Variants in RXRA observed in about 807,000 individuals in gnomAD.
The protein encoded by RXRA is retinoid X receptor alpha.
A neutral mutation model predicts 44.5 loss-of-function variants in RXRA; 5 were observed. The observed-to-expected ratio is 0.11, with a 90% confidence interval of 0.06 to 0.24. The LOEUF (loss-of-function observed/expected upper bound fraction) is 0.24, where lower values mean the gene tolerates loss of function less well. Ranked by LOEUF, RXRA falls within the 10% of genes least tolerant of loss-of-function variation. RXRA has a pLI of 1.00. For synonymous variants in RXRA, 291 were observed against 271.4 expected (o/e 1.07, Z -0.71); for missense variants, 412 against 646.5 (o/e 0.64, Z 3.93).
intron 1 of RXRA, among the ~76,000 whole-genome samples, chr9:134,386,223 C>T (rs1057372584): frequency 3.9e-5 from 6 of 152,258 alleles, no homozygotes; most frequent in Non-Finnish European, 4.4e-5. Context: ...TCAGCCGCCG[C>T]GCTGCATCAC....
intron 1 of RXRA, among the ~76,000 whole-genome samples, chr9:134,390,750 C>G (rs968857816): frequency 1.3e-5 from 2 of 151,886 alleles, no homozygotes; most frequent in African/African-American, 2.4e-5. Flanking sequence ...GCTGACGTCC[C>G]GTTCTTGGTC....
chr9:134,383,773 A>T (rs1830680198), intron 1 of RXRA, among the ~76,000 whole-genome samples: 1 of 152,088 alleles, frequency 6.6e-6, no homozygotes, highest in African/African-American at 2.4e-5. Flanking sequence ...GTGGGCTGTG[A>T]TCCTCACTCC....
In RXRA at chr9:134,392,451, C is replaced by T. The variant is rs557832486; in HGVS notation, c.29-9181C>T. Among the ~76,000 whole-genome samples, 14 of 152,328 alleles carry T rather than the reference C, an allele frequency of 9.2e-5. No homozygotes were observed. In the East Asian group the frequency reaches 2.5e-3, roughly 27 times the overall value. ...TCTAGGTGGGTGGCCCTGAGCCCAC[C>T]TCCTCCCTGTACCCCCATGGCAGGA... On this transcript the variant is annotated intron_variant, in intron 1 of 9. Coordinates refer to ENST00000481739, the MANE Select transcript of RXRA (RefSeq NM_002957.6).
At chr9:134,424,263 T>C (rs549697792) in intron 6 of RXRA, 1 of 985,374 alleles carries the variant, frequency 1.0e-6, no homozygotes, top group Non-Finnish European at 1.2e-6. Flanking sequence ...CCTGGTGCCA[T>C]GAGTCCCCAG....
rs1284762431 is a variant in RXRA at position 134,417,681 on chromosome 9, C to T, written c.780+354C>T. Among the ~76,000 whole-genome samples the T allele has an allele frequency of 2.0e-5, 3 of 152,124 alleles. No homozygotes were observed. The highest frequency in any genetic ancestry group is 7.2e-5 in the African/African-American group (3 of 41,424). Reference sequence around the variant, plus strand: ...GCCTGTCTCGGTGCAGAGGCTGTCCCTGCTCCCCGGTGCCACTTGGAAAAG... The same window carrying T: ...GCCTGTCTCGGTGCAGAGGCTGTCCTTGCTCCCCGGTGCCACTTGGAAAAG... On this transcript the variant is annotated intron_variant, in intron 5 of 9. Transcript: ENST00000481739. The surrounding 1 kb of genome is among the most constrained non-coding windows in gnomAD (Gnocchi z 6.1).
Position 134,334,038 on chromosome 9 carries a change from C to T in RXRA, c.28+7379C>T, listed in dbSNP as rs945018836. ...GTGCCCAGAGCCTGCATTCAGCTCC[C>T]GCTGGCAAGCCTGCTGGGTCTGTGC... On this transcript the variant is annotated intron_variant, in intron 1 of 9. Transcript: ENST00000481739. Among the ~76,000 whole-genome samples, 4 of 152,248 alleles carry T rather than the reference C, an allele frequency of 2.6e-5. No homozygotes were observed. In the South Asian group the frequency reaches 8.3e-4, roughly 31 times the overall value.
At chr9:134,408,109 TG>T in intron 2 of RXRA, 39 bp from the exon 3 acceptor site, 1 of 1,484,918 alleles carries the variant, frequency 6.7e-7, no homozygotes, top group Non-Finnish European at 9.0e-7. Flanking sequence ...GGGACAAACC[TG>T]GTGTACACCC....
chr9:134,401,732 C>T lies in RXRA; in HGVS notation c.129C>T (p.Ser43=), dbSNP rs1163508756. The change falls in exon 2 of 10, where the codon TCC becomes TCT. Residue 43 remains serine, a synonymous_variant. Transcript: ENST00000481739. Reference sequence around the variant, plus strand: ...CGTCCCTGGGGCCTGGCATCGGCTCCCCGGGACAGCTGCATTCTCCCATCA... The same window carrying T: ...CGTCCCTGGGGCCTGGCATCGGCTCTCCGGGACAGCTGCATTCTCCCATCA... ...LHPSLGPGIG[S]PGQLHSPIST... 1.2e-6 allele frequency: 2 copies of T among 1,613,196 alleles called. No individual in the cohort carries two copies. Among genetic ancestry groups the T allele is most frequent in the Non-Finnish European group, 1.7e-6 (2 of 1,179,988 alleles).
intron 1 of RXRA, chr9:134,380,242 A>T: frequency 2.1e-6 from 2 of 960,890 alleles, no homozygotes; most frequent in Non-Finnish European, 2.5e-6. Flanking sequence ...CGATCCCAGG[A>T]TGGGAGTGGG....
At chr9:134,370,373 G>A (rs1007690606) in intron 1 of RXRA, among the ~76,000 whole-genome samples, 1 of 152,228 alleles carries the variant, frequency 6.6e-6, no homozygotes, top group African/African-American at 2.4e-5. Flanking sequence ...TCCCTGCCCG[G>A]CTGGTTCCAA....
In RXRA at chr9:134,343,138, G is replaced by A. The variant is rs1164937241; in HGVS notation, c.28+16479G>A. ...CCTGGAGCCAGGGAAGCTGTCTGCG[G>A]CCCACAGTTCAGGGCCCCACACAGA... is the stretch of plus-strand genomic sequence containing the variant. On this transcript the variant is annotated intron_variant, in intron 1 of 9. Transcript: ENST00000481739. This position sits in a 1 kb window ranked among gnomAD's most constrained non-coding sequence, Gnocchi z 4.1. 1.3e-5 allele frequency among the ~76,000 whole-genome samples: 2 copies of A among 150,732 alleles called. No individual in the cohort carries two copies. Among genetic ancestry groups the A allele is most frequent in the Non-Finnish European group, 3.0e-5 (2 of 67,662 alleles).
intron 1 of RXRA, among the ~76,000 whole-genome samples, chr9:134,354,746 C>T (rs372983629): frequency 1.3e-5 from 2 of 152,220 alleles, no homozygotes; most frequent in African/African-American, 2.4e-5. Flanking sequence ...TGTTGTTGCT[C>T]GAAGTCTCAG....
At chr9:134,364,081 C>G (rs1830385884) in intron 1 of RXRA, among the ~76,000 whole-genome samples, 1 of 152,016 alleles carries the variant, frequency 6.6e-6, no homozygotes, top group Admixed American at 6.5e-5. Flanking sequence ...CCTCTCCCAG[C>G]TGCCCCTCCT....
intron 1 of RXRA, among the ~76,000 whole-genome samples, chr9:134,336,476 T>C (rs1554747321): frequency 6.6e-6 from 1 of 152,202 alleles, no homozygotes; most frequent in African/African-American, 2.4e-5. Context: ...TCGTCTTGAT[T>C]TCCTCATTTG....
At chr9:134,429,411 G>A (rs1459307231) in intron 7 of RXRA, among the ~76,000 whole-genome samples, 171 bp downstream of exon 7, 2 of 152,238 alleles carry the variant, frequency 1.3e-5, no homozygotes, top group Non-Finnish European at 2.9e-5. Context: ...AGAGCCCTGT[G>A]CCAGCCCTGC....
At chr9:134,422,192 C>G in intron 6 of RXRA, 1 of 1,289,376 alleles carries the variant, frequency 7.8e-7, no homozygotes, top group Non-Finnish European at 1.0e-6. Context: ...ACACACTTCC[C>G]CCTCCAGGGA....
rs757556532 is a variant in RXRA, at chr9:134,407,517, C to T, written c.280-632C>T. ...GGTGAGTTTCCCACGCTTGCCCGGG[C>T]GGCAGCGTGCGGGCCGGCGGGTGGG... On this transcript the variant is annotated intron_variant, in intron 2 of 9. Coordinates refer to ENST00000481739, the MANE Select transcript of RXRA (RefSeq NM_002957.6). This position sits in a 1 kb window ranked among gnomAD's most constrained non-coding sequence, Gnocchi z 4.8. Among the ~76,000 whole-genome samples the T allele has an allele frequency of 2.8e-4, 43 of 152,290 alleles. No homozygotes were observed. The highest frequency in any genetic ancestry group is 4.0e-4 in the Non-Finnish European group (27 of 68,014).
intron 6 of RXRA, chr9:134,422,797 G>T: frequency 1.0e-6 from 1 of 985,444 alleles, no homozygotes; most frequent in Non-Finnish European, 1.2e-6. Flanking sequence ...TCTCTCAGTG[G>T]CCTTCAGAGA....
chr9:134,381,068 G>C, intron 1 of RXRA, among the ~76,000 whole-genome samples: 1 of 152,324 alleles, frequency 6.6e-6, no homozygotes. Context: ...ACCCGGACAA[G>C]GGGTTTTCCT....
Sources: allele counts gnomAD v4.1 joint callset (sites outside exome capture counted in the v4.1 genomes callset), GRCh38; gene constraint gnomAD v4.1.1; non-coding constraint Gnocchi (gnomAD v3.1); transcripts MANE v1.5; gene names NCBI Gene and HGNC (gene_info 2026-07-23, HGNC 2026-07-21).